Variants in CLDN10 observed in about 807,000 individuals in gnomAD.
CLDN10 encodes claudin 10, also known as claudin-10.
Under a neutral mutation model 22.9 loss-of-function variants are expected in CLDN10, and 15 were observed. The observed-to-expected ratio is 0.65, with a 90% CI of 0.44 to 1.01. The LOEUF is 1.01. Ranked by LOEUF, CLDN10 falls within the 50% of genes least tolerant of loss-of-function variation. CLDN10 has a pLI of 0.00. For missense variants in CLDN10, 247 were observed against 287.8 expected (o/e 0.86, Z 1.03); for synonymous variants, 114 against 111.4 (o/e 1.02, Z -0.15).
chr13:95,552,921 C>T lies in CLDN10; in HGVS notation c.168C>T (p.Asp56=), dbSNP rs757681796. Residue 56 remains aspartate (D), a synonymous_variant, in exon 1 of 5, where the codon GAC becomes GAT. Coordinates refer to ENST00000299339, the MANE Select transcript of CLDN10 (RefSeq NM_006984.5). ...WANLWKACVT[D]STGVSNCKDF... is the part of the protein sequence containing the mutation. ...ACCTGTGGAAGGCGTGCGTTACCGA[C>T]TCCACGGGCGTCTCCAACTGCAAGG... 6.2e-7 allele frequency: 1 copy of T among 1,614,136 alleles called. No homozygotes were observed. Among genetic ancestry groups the T allele is most frequent in the Admixed American group, 1.7e-5 (1 of 60,028 alleles).
intron 1 of CLDN10, among the ~76,000 whole-genome samples, chr13:95,439,009 A>G (rs1021100711): frequency 7.9e-5 from 12 of 150,952 alleles, no homozygotes; most frequent in Non-Finnish European, 1.8e-4. Context: ...GCGGAGGGTA[A>G]AGGAATAGCA....
chr13:95,448,998 C>T (rs868116698), intron 1 of CLDN10, among the ~76,000 whole-genome samples: 1 of 151,810 alleles, frequency 6.6e-6, no homozygotes, highest in South Asian at 2.1e-4. Context: ...CTCGGCTTCC[C>T]AAAGTGCTGA....
intron 1 of CLDN10, among the ~76,000 whole-genome samples, chr13:95,499,933 A>T (rs73545003): frequency 0.074 from 11,205 of 152,286 alleles, 460 homozygotes; most frequent in Non-Finnish European, 0.086. Flanking sequence ...AAGAAAAAAA[A>T]TACCACAAGA....
intron 1 of CLDN10, among the ~76,000 whole-genome samples, chr13:95,525,106 C>T (rs189727431): frequency 1.7e-3 from 266 of 152,238 alleles, no homozygotes; most frequent in African/African-American, 6.4e-3. Flanking sequence ...TGATTGCCCG[C>T]CTCGGCCTCC....
At chr13:95,565,994 A>G (rs189738237) in intron 3 of CLDN10, among the ~76,000 whole-genome samples, 3 of 152,246 alleles carry the variant, frequency 2.0e-5, no homozygotes, top group African/African-American at 4.8e-5. Flanking sequence ...CATGGTGTAT[A>G]TGTGCCACAT....
intron 1 of CLDN10, among the ~76,000 whole-genome samples, chr13:95,518,031 C>A (rs570260872): frequency 6.6e-6 from 1 of 151,838 alleles, no homozygotes; most frequent in African/African-American, 2.4e-5. Flanking sequence ...CTGAAGCCAG[C>A]CTTTCAGGGT....
At chr13:95,540,315 A>G (rs1338424826) in intron 1 of CLDN10, among the ~76,000 whole-genome samples, 1 of 149,902 alleles carries the variant, frequency 6.7e-6, no homozygotes, top group Non-Finnish European at 1.5e-5. Flanking sequence ...TAAATAAATA[A>G]ATAAATAAAT....
intron 3 of CLDN10, among the ~76,000 whole-genome samples, chr13:95,568,810 T>C (rs907595569): frequency 6.6e-6 from 1 of 152,140 alleles, no homozygotes; most frequent in East Asian, 1.9e-4. Context: ...CCTAGAATGG[T>C]AAGACGGAGT....
At chr13:95,446,802 A>ACTG (rs2042384753) in intron 1 of CLDN10, among the ~76,000 whole-genome samples, 1 of 152,146 alleles carries the variant, frequency 6.6e-6, no homozygotes, top group African/African-American at 2.4e-5. Context: ...AGATTGTGCC[A>ACTG]CTGCACTCCA....
rs1012209557 is a variant in CLDN10 at position 95,560,676 on chromosome 13, G to A, written c.464+213G>A. 57 of 551,742 alleles carry A rather than the reference G, an allele frequency of 1.0e-4. No individual in the cohort carries two copies. The Admixed American group carries it at 1.5e-3, about 15-fold the overall frequency. The allele number at this position is 551,742 out of a possible 1,614,324, so 34.2% of individuals were successfully genotyped here. On this transcript the variant is annotated intron_variant, in intron 3 of 4. Coordinates refer to ENST00000299339, the MANE Select transcript of CLDN10 (RefSeq NM_006984.5). ...TGCTAGTGTTGCAGTGTCTTGTCTCGAAACAGTTCAAGGCATCAAATTTAG... is the reference window on the plus strand; with the variant it reads ...TGCTAGTGTTGCAGTGTCTTGTCTCAAAACAGTTCAAGGCATCAAATTTAG...
At chr13:95,521,845 T>C (rs1243329362) in intron 1 of CLDN10, among the ~76,000 whole-genome samples, 2 of 152,104 alleles carry the variant, frequency 1.3e-5, no homozygotes, top group South Asian at 4.1e-4. Flanking sequence ...TATGAATTGT[T>C]ATAGGACTAT....
chr13:95,491,945 T>C (rs2042875709), intron 1 of CLDN10, among the ~76,000 whole-genome samples: 1 of 152,294 alleles, frequency 6.6e-6, no homozygotes, highest in Middle Eastern at 3.4e-3. Flanking sequence ...TTTCTGGGTC[T>C]AGCCACCCAG....
intron 1 of CLDN10, among the ~76,000 whole-genome samples, chr13:95,532,081 T>G (rs555426739): frequency 6.6e-6 from 1 of 152,058 alleles, no homozygotes; most frequent in Admixed American, 6.6e-5. Flanking sequence ...TAGGAGAATA[T>G]CATCATGACT....
At chr13:95,488,905 C>A (rs892046242) in intron 1 of CLDN10, among the ~76,000 whole-genome samples, 2 of 151,090 alleles carry the variant, frequency 1.3e-5, no homozygotes, top group African/African-American at 2.4e-5. Flanking sequence ...GGGTAGATAC[C>A]CAGTAGTGGG....
chr13:95,497,351 A>G (rs2042940134), intron 1 of CLDN10, among the ~76,000 whole-genome samples: 1 of 152,166 alleles, frequency 6.6e-6, no homozygotes, highest in African/African-American at 2.4e-5. Context: ...AAAGAAAATC[A>G]CAAGAGAAGC....
intron 1 of CLDN10, among the ~76,000 whole-genome samples, chr13:95,522,925 C>T (rs1403849317): frequency 2.0e-5 from 3 of 151,670 alleles, no homozygotes; most frequent in Non-Finnish European, 4.4e-5. Flanking sequence ...TATCTATCAA[C>T]TTTTCTTTAT....
chr13:95,460,874 T>C (rs36104484), intron 1 of CLDN10, among the ~76,000 whole-genome samples: 48,606 of 152,018 alleles, frequency 0.32, 8,850 homozygotes, highest in Non-Finnish European at 0.41. Flanking sequence ...TTTGGGAGGC[T>C]GAGGCCGGCG....
At chr13:95,476,192 C>A (rs143064800) in intron 1 of CLDN10, among the ~76,000 whole-genome samples, 1 of 152,124 alleles carries the variant, frequency 6.6e-6, no homozygotes, top group African/African-American at 2.4e-5. Context: ...TTTGGTTAGA[C>A]GTGTGTGGAG....
At chr13:95,461,776 C>T (rs1373470861) in intron 1 of CLDN10, among the ~76,000 whole-genome samples, 1 of 152,168 alleles carries the variant, frequency 6.6e-6, no homozygotes, top group African/African-American at 2.4e-5. Flanking sequence ...CTGTGAGACA[C>T]AGAACAGCAG....
Sources: allele counts gnomAD v4.1 joint callset (sites outside exome capture counted in the v4.1 genomes callset), GRCh38; gene constraint gnomAD v4.1.1; transcripts MANE v1.5; gene names NCBI Gene and HGNC (gene_info 2026-07-23, HGNC 2026-07-21).